TBC1D5: variants seen among roughly 807,000 people sequenced by gnomAD.
TBC1D5 encodes TBC1 domain family member 5, also known as TBC1 domain family, member 5.
TBC1D5 carries 75 observed loss-of-function variants against 100.3 expected under a neutral mutation model. The ratio of observed to expected loss-of-function variants is 0.75; its 90% CI spans 0.62 to 0.91. The LOEUF (loss-of-function observed/expected upper bound fraction) is 0.91. Among genes scored for constraint, TBC1D5 ranks in the 40% least tolerant of loss-of-function variants. The pLI, the probability that TBC1D5 is intolerant of heterozygous loss-of-function variation, is 0.00. For missense variants in TBC1D5, 910 were observed against 942.4 expected, an observed-to-expected ratio of 0.97 and a Z score of 0.45; for synonymous variants, 323 against 325.6, an observed-to-expected ratio of 0.99 and a Z score of 0.09.
At chr3:17,621,033 T>A (rs1373316437) in intron 2 of TBC1D5, among the ~76,000 whole-genome samples, 1 of 152,212 alleles carries the variant, frequency 6.6e-6, no homozygotes, top group Non-Finnish European at 1.5e-5. Flanking sequence ...TTTAGATCTA[T>A]TATTTAGTTG....
intron 13 of TBC1D5, among the ~76,000 whole-genome samples, chr3:17,361,616 T>C (rs910539924): frequency 7.2e-5 from 11 of 151,962 alleles, no homozygotes; most frequent in Non-Finnish European, 1.6e-4. Context: ...TCCCCAATAT[T>C]TGGAAATTAA....
chr3:17,679,834 T>C (rs989989116), intron 1 of TBC1D5, among the ~76,000 whole-genome samples: 5 of 151,488 alleles, frequency 3.3e-5, no homozygotes, highest in South Asian at 2.1e-4. Flanking sequence ...TATTCAAAAG[T>C]TTTGTGGTAC....
intron 1 of TBC1D5, among the ~76,000 whole-genome samples, chr3:17,691,020 G>T (rs1199766347): frequency 6.6e-6 from 1 of 152,162 alleles, no homozygotes; most frequent in African/African-American, 2.4e-5. Flanking sequence ...TATAAATAAA[G>T]GAGAAACCTT....
intron 1 of TBC1D5, among the ~76,000 whole-genome samples, chr3:17,690,029 C>A (rs2070896339): frequency 6.6e-6 from 1 of 152,030 alleles, no homozygotes; most frequent in Non-Finnish European, 1.5e-5. Flanking sequence ...TGCTATAATA[C>A]ATGATGCTTT....
chr3:17,628,080 C>G (rs1275535475), intron 1 of TBC1D5, among the ~76,000 whole-genome samples: 1 of 151,962 alleles, frequency 6.6e-6, no homozygotes, highest in East Asian at 1.9e-4. Context: ...TAAAAATACA[C>G]ACACTCCGCC....
At chr3:17,605,578 AG>A (rs1441889403) in intron 2 of TBC1D5, among the ~76,000 whole-genome samples, 6 of 152,218 alleles carry the variant, frequency 3.9e-5, no homozygotes, top group Non-Finnish European at 8.8e-5. Flanking sequence ...ATTTAAAAAG[AG>A]GAAAAGGATA....
intron 2 of TBC1D5, among the ~76,000 whole-genome samples, chr3:17,604,408 A>G (rs2061200378): frequency 6.6e-6 from 1 of 152,236 alleles, no homozygotes; most frequent in South Asian, 2.1e-4. Flanking sequence ...AAATGTTATC[A>G]GAAAACAGAG....
intron 3 of TBC1D5, among the ~76,000 whole-genome samples, chr3:17,441,341 G>T (rs1277009723): frequency 1.3e-5 from 2 of 152,186 alleles, no homozygotes; most frequent in South Asian, 2.1e-4. Flanking sequence ...AATTATAAGA[G>T]CTGTAAATAA....
chr3:17,351,844 C>T (rs1229473685), intron 13 of TBC1D5, among the ~76,000 whole-genome samples: 1 of 151,258 alleles, frequency 6.6e-6, no homozygotes, highest in Non-Finnish European at 1.5e-5. Context: ...CTAGCACTAC[C>T]TCCTACCTAC....
chr3:17,481,508 A>G (rs1448845812), intron 3 of TBC1D5, among the ~76,000 whole-genome samples: 1 of 152,006 alleles, frequency 6.6e-6, no homozygotes, highest in Non-Finnish European at 1.5e-5. Context: ...GTGAGCCATG[A>G]TCTGCCACTG....
At chr3:17,247,158 G>A (rs530717922) in intron 16 of TBC1D5, among the ~76,000 whole-genome samples, 21 of 152,276 alleles carry the variant, frequency 1.4e-4, no homozygotes, top group Middle Eastern at 3.4e-3. Context: ...GGGACACCAA[G>A]GCTTAGGTGA....
intron 3 of TBC1D5, among the ~76,000 whole-genome samples, chr3:17,433,079 C>T (rs891629912): frequency 6.7e-6 from 1 of 148,584 alleles, no homozygotes; most frequent in Non-Finnish European, 1.5e-5. Context: ...AGGGTAGCTA[C>T]TTTCCCAGGG....
chr3:17,701,475 T>C (rs2073192036), intron 1 of TBC1D5, among the ~76,000 whole-genome samples: 1 of 151,912 alleles, frequency 6.6e-6, no homozygotes, highest in Non-Finnish European at 1.5e-5. Flanking sequence ...TAAAGTATAA[T>C]AATAATAAAA....
At chr3:17,339,329 T>C (rs994228210) in intron 13 of TBC1D5, among the ~76,000 whole-genome samples, 9 of 152,226 alleles carry the variant, frequency 5.9e-5, no homozygotes, top group South Asian at 2.1e-4. Flanking sequence ...CCGTGACAAG[T>C]TGAAGTTCCG....
rs537736327 is a variant in TBC1D5 at position 17,287,482 on chromosome 3, G to T, written c.1245+4413C>A. On this transcript the variant is annotated intron_variant, in intron 15 of 21. Transcript: ENST00000253692. The stretch of plus-strand genomic sequence containing the variant: ...CAGGAATCCGAGGAGGGAATGAATA[G>T]ATAGAACAGTCATGATGCCACTCTA... Among the ~76,000 whole-genome samples, 65 of 152,278 alleles carry T rather than the reference G, an allele frequency of 4.3e-4. 1 individual carries two copies. Among genetic ancestry groups the T allele is most frequent in the Non-Finnish European group, 7.8e-4 (53 of 68,022 alleles).
Position 17,441,650 on chromosome 3 carries a change from C to CTGT in TBC1D5, c.98-13132_98-13131insACA, listed in dbSNP as rs149531124. On this transcript the variant is annotated intron_variant, in intron 3 of 21. Coordinates refer to ENST00000253692, the Ensembl canonical transcript of TBC1D5. ...ATGGGAGGAAGTCTGGATTTTGAAA[C>CTGT]TACAATGAGAAGCTACTGGAAAGTT... 3.5e-3 allele frequency among the ~76,000 whole-genome samples: 527 copies of CTGT among 152,266 alleles called. 3 individuals are homozygous for CTGT. The highest frequency in any genetic ancestry group is 0.012 in the African/African-American group (512 of 41,544).
At chr3:17,554,981 C>T (rs887344134) in intron 2 of TBC1D5, among the ~76,000 whole-genome samples, 3 of 152,070 alleles carry the variant, frequency 2.0e-5, no homozygotes, top group African/African-American at 7.3e-5. Flanking sequence ...TCCCAAGTAG[C>T]TGGGATTACA....
intron 3 of TBC1D5, among the ~76,000 whole-genome samples, chr3:17,486,715 C>T (rs913933936): frequency 2.6e-5 from 4 of 152,150 alleles, no homozygotes; most frequent in Non-Finnish European, 5.9e-5. Context: ...CACACTGTGG[C>T]ATTTTAAGTA....
chr3:17,433,823 C>T lies in TBC1D5; in HGVS notation c.98-5304G>A, dbSNP rs188942834. On this transcript the variant is annotated intron_variant, in intron 3 of 21. Transcript: ENST00000253692. Reference sequence around the variant, plus strand: ...TGCAAAATCAAAAGCAAGTTAGCTACTTCATAGATACAATGGGGGTACAGG... The same window carrying T: ...TGCAAAATCAAAAGCAAGTTAGCTATTTCATAGATACAATGGGGGTACAGG... Among the ~76,000 whole-genome samples, 41 of 152,322 alleles carry T rather than the reference C, an allele frequency of 2.7e-4. No individual in the cohort carries two copies. The East Asian group carries it at 3.7e-3, about 14-fold the overall frequency.
Sources: gnomAD v4.1 joint callset for allele counts (sites outside exome capture counted in the v4.1 genomes callset) on GRCh38, gnomAD v4.1.1 for gene constraint, MANE v1.5 for transcripts, NCBI Gene and HGNC (gene_info 2026-07-23, HGNC 2026-07-21) for gene names.